The following CTBP1 variants were observed in gnomAD, a reference collection of about 807,000 sequenced individuals.
The protein encoded by CTBP1 is C-terminal-binding protein 1.
In CTBP1, 11 loss-of-function variants were observed where a neutral mutation model predicts 42.1. The ratio of observed to expected loss-of-function variants is 0.26; its 90% CI spans 0.16 to 0.43. The LOEUF is 0.43. Ranked by LOEUF, CTBP1 falls within the 20% of genes least tolerant of loss-of-function variation. The probability of loss-of-function intolerance (pLI) is 1.00; values close to 1 mark genes in which losing one functional copy is unlikely to be tolerated. For synonymous variants in CTBP1, 324 were observed against 277.1 expected (o/e 1.17, Z -1.68); for missense variants, 399 against 624.3 (o/e 0.64, Z 3.85).
rs139156836 is a variant in CTBP1, at chr4:1,240,062, C to T, written c.7+1263G>A. ...CTCTCAGTATCCTTGGATTTCACTT[C>T]TGATGAGGAAGGCATGGACACACGG... On this transcript the variant is annotated intron_variant, in intron 2 of 9. Coordinates refer to ENST00000382952, the MANE Select transcript of CTBP1 (RefSeq NM_001012614.2). Among the ~76,000 whole-genome samples the T allele has an allele frequency of 5.0e-4, 76 of 152,384 alleles. No homozygotes were observed. In the East Asian group the frequency reaches 0.013, roughly 26 times the overall value.
intron 9 of CTBP1, 113 bp downstream of exon 9, chr4:1,212,800 A>T: frequency 1.1e-6 from 1 of 899,366 alleles, no homozygotes; most frequent in Non-Finnish European, 1.8e-6. Context: ...TTCTACCCAG[A>T]TCCTCCAGGT....
In CTBP1 at chr4:1,211,583, C is replaced by T. The variant is rs1039235631; in HGVS notation, c.*657G>A. On this transcript the variant is annotated 3_prime_UTR_variant, in exon 10 of 10. Coordinates refer to ENST00000382952, the MANE Select transcript of CTBP1 (RefSeq NM_001012614.2). ...GTGCAGGCGGGGACGCTGCCACCCTCCACGTCCCCAGGACAGACGTCGATG... is the reference window on the plus strand; with the variant it reads ...GTGCAGGCGGGGACGCTGCCACCCTTCACGTCCCCAGGACAGACGTCGATG... 2.0e-5 allele frequency: 3 copies of T among 152,470 alleles called. No individual in the cohort carries two copies. Among genetic ancestry groups the T allele is most frequent in the African/African-American group, 7.2e-5 (3 of 41,462 alleles). 9.4% of individuals were successfully genotyped at this position (152,470 alleles called of 1,614,324 possible). A position where few individuals can be genotyped will look rare whatever the true frequency, so the allele number is the denominator to read the frequency against.
chr4:1,222,779 C>T lies in CTBP1; in HGVS notation c.514+2581G>A, dbSNP rs375790505. Among the ~76,000 whole-genome samples, 545 of 123,310 alleles carry T rather than the reference C, an allele frequency of 4.4e-3. 3 individuals are homozygous for T. The highest frequency in any genetic ancestry group is 0.014 in the African/African-American group (497 of 35,634). The allele number at this position is 123,310 out of a possible 152,430, so 80.9% of individuals were successfully genotyped here. A position where few individuals can be genotyped will look rare whatever the true frequency, so the allele number is the denominator to read the frequency against. ...AGCCTGGGAAGGCGCCGCCCTCAGG[C>T]CTCAGAGTGGCCACGGGAAGAGCCC... On this transcript the variant is annotated intron_variant, in intron 5 of 9. Transcript: ENST00000382952.
intron 4 of CTBP1, 134 bp from the exon 5 acceptor site, chr4:1,225,700 C>T (rs893772986): frequency 2.1e-5 from 19 of 898,380 alleles, no homozygotes; most frequent in Admixed American, 1.1e-4. Context: ...AAGGCCACCC[C>T]GGGAGGCCAC....
chr4:1,239,892 C>T (rs182021445), intron 2 of CTBP1, among the ~76,000 whole-genome samples: 94 of 152,370 alleles, frequency 6.2e-4, no homozygotes, highest in East Asian at 1.9e-3. Flanking sequence ...GAGCTGCCCA[C>T]GAGCACCATA....
chr4:1,248,787 G>T (rs1415381577), intron 1 of CTBP1, 129 bp downstream of exon 1: 6 of 950,374 alleles, frequency 6.3e-6, no homozygotes, highest in Non-Finnish European at 7.5e-6. Context: ...CGGCGCGCAC[G>T]CGCACTCGCA....
intron 1 of CTBP1, chr4:1,248,561 T>C (rs1255163064): frequency 1.6e-5 from 8 of 485,924 alleles, no homozygotes; most frequent in Non-Finnish European, 2.1e-5. Flanking sequence ...CGGCCGGGGA[T>C]CGGGACCCGG....
chr4:1,242,494 A>C, intron 1 of CTBP1: 1 of 985,076 alleles, frequency 1.0e-6, no homozygotes, highest in Non-Finnish European at 1.2e-6. Flanking sequence ...CCCTGCGCAG[A>C]GGCCTCGCAG....
intron 1 of CTBP1, chr4:1,244,207 C>T (rs1732481417): frequency 4.1e-6 from 4 of 985,118 alleles, no homozygotes; most frequent in Non-Finnish European, 3.6e-6. Flanking sequence ...CTGTTGGCCA[C>T]GCCTGCCCAC....
At chr4:1,228,067 A>T in intron 4 of CTBP1, 132 bp downstream of exon 4, 1 of 1,317,816 alleles carries the variant, frequency 7.6e-7, no homozygotes, top group Non-Finnish European at 1.1e-6. Flanking sequence ...AGACGGGACC[A>T]CGAACCACCG....
intron 3 of CTBP1, among the ~76,000 whole-genome samples, chr4:1,230,626 C>T (rs1246201405): frequency 2.0e-5 from 3 of 152,240 alleles, no homozygotes; most frequent in Non-Finnish European, 2.9e-5. Flanking sequence ...CCACACCACA[C>T]AGGCTTGTGT....
Position 1,212,171 on chromosome 4 carries a change from C to A in CTBP1, c.*69G>T. On this transcript the variant is annotated 3_prime_UTR_variant, in exon 10 of 10. Transcript: ENST00000382952. Reference sequence around the variant, plus strand: ...CAGGGCCACCACACAGATGCCTCCTCCACACACTCTGGTCCGAGGGTTTCC... The same window carrying A: ...CAGGGCCACCACACAGATGCCTCCTACACACACTCTGGTCCGAGGGTTTCC... 1 of 1,313,210 alleles carries A rather than the reference C, an allele frequency of 7.6e-7. No individual in the cohort carries two copies. The highest frequency in any genetic ancestry group is 1.0e-6 in the Non-Finnish European group (1 of 1,000,324). 81.3% of individuals were successfully genotyped at this position (1,313,210 alleles called of 1,614,324 possible). A position where few individuals can be genotyped will look rare whatever the true frequency, so the allele number is the denominator to read the frequency against.
intron 5 of CTBP1, 144 bp from the exon 6 acceptor site, chr4:1,216,349 C>T (rs954409608): frequency 2.5e-6 from 2 of 797,792 alleles, no homozygotes; most frequent in Non-Finnish European, 3.9e-6. Flanking sequence ...CCAAGGTGCC[C>T]ACGCACGCTC....
chr4:1,246,148 C>CG (rs918189330), intron 1 of CTBP1, among the ~76,000 whole-genome samples: 13 of 152,310 alleles, frequency 8.5e-5, no homozygotes, highest in Admixed American at 4.6e-4. Context: ...CGACCCAGTG[C>CG]GGGGGAGAGC....
At chr4:1,243,323 C>A (rs754671691) in intron 1 of CTBP1, 1 of 985,284 alleles carries the variant, frequency 1.0e-6, no homozygotes, top group African/African-American at 1.7e-5. Context: ...GTGAGGAGGC[C>A]GTGAGCTCCC....
At chr4:1,223,328 C>G (rs1237734139) in intron 5 of CTBP1, 18 of 412,504 alleles carry the variant, frequency 4.4e-5, no homozygotes, top group Admixed American at 2.7e-5. Flanking sequence ...CCCTGGGGTC[C>G]TGGTGGGGGC....
chr4:1,249,734 TG>T, upstream of CTBP1: 1 of 374,202 alleles, frequency 2.7e-6, no homozygotes, highest in South Asian at 1.8e-5. Flanking sequence ...CCCCGACTCC[TG>T]GAGGGACCGC....
At chr4:1,244,244 G>T (rs1732486211) in intron 1 of CTBP1, 1 of 985,124 alleles carries the variant, frequency 1.0e-6, no homozygotes, top group African/African-American at 1.7e-5. Context: ...TGTGTGCTGG[G>T]CATCGGTCCA....
intron 1 of CTBP1, among the ~76,000 whole-genome samples, chr4:1,247,873 G>A (rs1426748903): frequency 1.3e-5 from 2 of 152,186 alleles, no homozygotes; most frequent in Non-Finnish European, 2.9e-5. Context: ...CCCCACTCAG[G>A]GCACCGGGAA....
Sources: allele counts gnomAD v4.1 joint callset (sites outside exome capture counted in the v4.1 genomes callset), GRCh38; gene constraint gnomAD v4.1.1; transcripts MANE v1.5; gene names NCBI Gene and HGNC (gene_info 2026-07-23, HGNC 2026-07-21).